MTMR8: variants seen among roughly 807,000 people sequenced by gnomAD.
MTMR8 encodes the protein phosphatidylinositol-3,5-bisphosphate 3-phosphatase MTMR8.
In MTMR8, 65 loss-of-function variants were observed where a neutral mutation model predicts 39.3. That is an observed-to-expected ratio of 1.65 (90% confidence interval 1.35 to 2.03). The LOEUF (loss-of-function observed/expected upper bound fraction) is 2.03, where lower values mean the gene tolerates loss of function less well. Ranked by LOEUF, MTMR8 falls within the 30% of genes most tolerant of loss-of-function variation. The pLI is 0.00. For missense variants in MTMR8, 777 were observed against 538.9 expected (o/e 1.44, Z -4.37); for synonymous variants, 245 against 185.2 (o/e 1.32, Z -2.62).
chrX:64,308,027 A>G (rs1399935105), intron 12 of MTMR8, among the ~76,000 whole-genome samples: 1 of 111,600 alleles, frequency 9.0e-6, no homozygotes, highest in Admixed American at 9.5e-5. Flanking sequence ...GTATGTTGAT[A>G]TTGTGTCCTA....
At chrX:64,320,425 A>C (rs899205370) in intron 12 of MTMR8, among the ~76,000 whole-genome samples, 1 of 110,824 alleles carries the variant, frequency 9.0e-6, no homozygotes, top group African/African-American at 3.3e-5. Context: ...TCTTCATCTC[A>C]GAAAACTATG....
chrX:64,375,620 G>T (rs904715145), intron 1 of MTMR8, among the ~76,000 whole-genome samples: 3 of 110,897 alleles, frequency 2.7e-5, no homozygotes, highest in Non-Finnish European at 5.7e-5. Flanking sequence ...TCATAAATGG[G>T]ATTAGTGCTC....
intron 1 of MTMR8, among the ~76,000 whole-genome samples, chrX:64,363,795 A>C (rs148916341): frequency 0.014 from 1,597 of 111,682 alleles, 37 homozygotes; most frequent in African/African-American, 0.048. Flanking sequence ...CATCGCCTAA[A>C]CCAGGAAGTG....
chrX:64,326,753 A>G (rs1248316610), intron 12 of MTMR8, among the ~76,000 whole-genome samples: 5 of 111,414 alleles, frequency 4.5e-5, no homozygotes, highest in Non-Finnish European at 9.4e-5. Flanking sequence ...TTGTGGGGAA[A>G]AAAAAAAGAA....
At chrX:64,348,936 T>G in intron 5 of MTMR8, 142 bp from the exon 6 acceptor site, 1 of 653,926 alleles carries the variant, frequency 1.5e-6, no homozygotes, top group Non-Finnish European at 2.2e-6. Flanking sequence ...AATGTGACTC[T>G]AAAGTCATTC....
intron 6 of MTMR8, among the ~76,000 whole-genome samples, chrX:64,345,469 A>T (rs937429842): frequency 1.8e-5 from 2 of 112,199 alleles, no homozygotes; most frequent in Non-Finnish European, 3.8e-5. Flanking sequence ...TGATCTAAAA[A>T]ACTGAAATAA....
At chrX:64,304,099 G>A (rs983883519) in intron 12 of MTMR8, among the ~76,000 whole-genome samples, 2 of 112,173 alleles carry the variant, frequency 1.8e-5, no homozygotes, top group African/African-American at 6.5e-5. Flanking sequence ...CAAATGCACA[G>A]GGAAACCTTC....
At chrX:64,270,137 G>A (rs1002371115) in intron 13 of MTMR8, among the ~76,000 whole-genome samples, 30 of 110,853 alleles carry the variant, frequency 2.7e-4, no homozygotes, top group Middle Eastern at 4.6e-3. Context: ...TTTAACTTAT[G>A]CTTTAGTTTG....
intron 12 of MTMR8, among the ~76,000 whole-genome samples, chrX:64,289,628 C>A (rs1921326891): frequency 1.7e-5 from 1 of 59,377 alleles, no homozygotes. Context: ...CAGAGTGAGA[C>A]TCCATCGCAA....
intron 1 of MTMR8, among the ~76,000 whole-genome samples, chrX:64,385,915 A>C (rs1159945400): frequency 9.0e-6 from 1 of 111,310 alleles, no homozygotes; most frequent in African/African-American, 3.3e-5. Flanking sequence ...GAGCTCCTGC[A>C]CTTGGTCCCA....
At chrX:64,367,886 T>C (rs1201945932) in intron 1 of MTMR8, among the ~76,000 whole-genome samples, 1 of 112,035 alleles carries the variant, frequency 8.9e-6, no homozygotes, top group Non-Finnish European at 1.9e-5. Flanking sequence ...AAAATCTCAT[T>C]AAGCTGATAG....
At chrX:64,318,088 T>C (rs1922522644) in intron 12 of MTMR8, among the ~76,000 whole-genome samples, 2 of 112,323 alleles carry the variant, frequency 1.8e-5, no homozygotes. Context: ...CATATCCAAG[T>C]GGGGAGGGGA....
chrX:64,270,552 T>C (rs1450421361), intron 13 of MTMR8, among the ~76,000 whole-genome samples: 1 of 112,345 alleles, frequency 8.9e-6, no homozygotes, highest in Admixed American at 9.4e-5. Flanking sequence ...GAAATAAGAA[T>C]CTTCTTTTGT....
intron 12 of MTMR8, among the ~76,000 whole-genome samples, chrX:64,301,543 T>C (rs1453384201): frequency 9.0e-6 from 1 of 111,135 alleles, no homozygotes. Flanking sequence ...TAGCTCAGAG[T>C]AATTTGATCA....
At chrX:64,321,831 C>T (rs1012092306) in intron 12 of MTMR8, among the ~76,000 whole-genome samples, 1 of 111,849 alleles carries the variant, frequency 8.9e-6, no homozygotes. Context: ...GAGGTACATA[C>T]TTTCCATACA....
chrX:64,304,901 T>C (rs1295856032), intron 12 of MTMR8: 13 of 79,607 alleles, frequency 1.6e-4, no homozygotes, highest in African/African-American at 5.3e-4. Context: ...TATATATATA[T>C]ATATATACAC....
At chrX:64,367,121 C>A (rs1251654850) in intron 1 of MTMR8, among the ~76,000 whole-genome samples, 1 of 111,193 alleles carries the variant, frequency 9.0e-6, no homozygotes, top group Non-Finnish European at 1.9e-5. Flanking sequence ...AATTAATAGC[C>A]TATCAACCAA....
chrX:64,300,431 A>G (rs1437678339), intron 12 of MTMR8, among the ~76,000 whole-genome samples: 1 of 111,102 alleles, frequency 9.0e-6, no homozygotes, highest in Admixed American at 9.6e-5. Flanking sequence ...TTTGCTTGGT[A>G]GAGCTTCCTC....
rs776625847 is a variant in MTMR8, at chrX:64,331,064, G to T, written c.1352+493C>A. Among the ~76,000 whole-genome samples, 8 of 111,368 alleles carry T rather than the reference G, an allele frequency of 7.2e-5. No homozygotes were observed. The East Asian group carries it at 2.0e-3, about 28-fold the overall frequency. On this transcript the variant is annotated intron_variant, in intron 11 of 13. Coordinates refer to ENST00000374852, the MANE Select transcript of MTMR8 (RefSeq NM_017677.4). ...CAAAGTCTCACAAATCACCACTAAA[G>T]AACTCATTCATGTAACCAAATACCA...
Sources: allele counts gnomAD v4.1 joint callset (sites outside exome capture counted in the v4.1 genomes callset), GRCh38; gene constraint gnomAD v4.1.1; transcripts MANE v1.5; gene names NCBI Gene and HGNC (gene_info 2026-07-23, HGNC 2026-07-21).